ASPRV1: variants seen among roughly 807,000 people sequenced by gnomAD.
The protein encoded by ASPRV1 is aspartic peptidase retroviral like 1.
A neutral mutation model predicts 11.0 loss-of-function variants in ASPRV1; 7 were observed. The ratio of observed to expected loss-of-function variants is 0.64; its 90% CI spans 0.36 to 1.20. The LOEUF is 1.20. Ranked by LOEUF, ASPRV1 falls within the 50% of genes most tolerant of loss-of-function variation. ASPRV1 has a pLI of 0.02. For synonymous variants in ASPRV1, 136 were observed against 138.4 expected, an observed-to-expected ratio of 0.98 and a Z score of 0.12; for missense variants, 299 against 320.0, an observed-to-expected ratio of 0.93 and a Z score of 0.50.
the ASPRV1 span, chr2:70,069,415 T>G: frequency 6.6e-6 from 1 of 152,248 alleles, no homozygotes; most frequent in Non-Finnish European, 1.5e-5. Context: ...GTTTATGATG[T>G]CTGTCTCCAA....
At chr2:70,049,190 C>CG in the ASPRV1 span, 1 of 100,096 alleles carries the variant, frequency 1.0e-5, no homozygotes, top group African/African-American at 3.9e-5. Context: ...CCTCCCCCCT[C>CG]CCCCCTCCCT....
the ASPRV1 span, among the ~76,000 whole-genome samples, chr2:69,934,136 A>G: frequency 6.6e-6 from 1 of 152,232 alleles, no homozygotes; most frequent in South Asian, 2.1e-4. Context: ...CTGACTTTCT[A>G]AGGAGACTGC....
At chr2:69,974,460 G>A in the ASPRV1 span, among the ~76,000 whole-genome samples, 1 of 151,968 alleles carries the variant, frequency 6.6e-6, no homozygotes, top group Admixed American at 6.5e-5. Flanking sequence ...ATAATAGCTG[G>A]GTTTAACCAT....
the ASPRV1 span, among the ~76,000 whole-genome samples, chr2:69,937,685 G>A: frequency 0.013 from 1,940 of 152,284 alleles, 84 homozygotes; most frequent in Admixed American, 0.09. Flanking sequence ...TGTGATCTTG[G>A]CTCACTGCAA....
chr2:69,991,982 C>T, the ASPRV1 span, among the ~76,000 whole-genome samples: 7 of 152,210 alleles, frequency 4.6e-5, no homozygotes, highest in Non-Finnish European at 1.0e-4. Flanking sequence ...GGGCTCTGGC[C>T]AACCTGGATG....
chr2:70,015,666 T>A, the ASPRV1 span: 1 of 152,116 alleles, frequency 6.6e-6, no homozygotes, highest in Non-Finnish European at 1.5e-5. Context: ...AATACAATAA[T>A]AGTAGGGGAC....
the ASPRV1 span, among the ~76,000 whole-genome samples, chr2:70,014,225 G>C: frequency 6.6e-6 from 1 of 152,104 alleles, no homozygotes; most frequent in African/African-American, 2.4e-5. Context: ...GAGTAAAAAA[G>C]GTGATGCACA....
At chr2:70,052,506 G>A in the ASPRV1 span, among the ~76,000 whole-genome samples, 8 of 152,146 alleles carry the variant, frequency 5.3e-5, no homozygotes, top group Non-Finnish European at 8.8e-5. Context: ...GGTCCAGGCT[G>A]AGTGCCAGGC....
the ASPRV1 span, among the ~76,000 whole-genome samples, chr2:69,946,875 AC>A: frequency 6.7e-3 from 1,017 of 152,140 alleles, 10 homozygotes; most frequent in African/African-American, 0.024. Flanking sequence ...CGACCCTAAG[AC>A]CCCGCCAGCC....
chr2:69,953,395 G>A, the ASPRV1 span, among the ~76,000 whole-genome samples: 8 of 152,370 alleles, frequency 5.3e-5, no homozygotes, highest in South Asian at 4.1e-4. Context: ...GGTGCCTGGC[G>A]TCCCTAGAGA....
the ASPRV1 span, among the ~76,000 whole-genome samples, chr2:69,972,983 G>T: frequency 6.6e-6 from 1 of 151,844 alleles, no homozygotes; most frequent in African/African-American, 2.4e-5. Flanking sequence ...CCCTCTTCTG[G>T]GAATCTTTCC....
the ASPRV1 span, among the ~76,000 whole-genome samples, chr2:70,041,059 C>T: frequency 1.3e-5 from 2 of 152,166 alleles, no homozygotes; most frequent in African/African-American, 2.4e-5. Flanking sequence ...GGCTTGTCTA[C>T]GGAGAATGCT....
At chr2:70,003,353 G>A in the ASPRV1 span, 1 of 152,300 alleles carries the variant, frequency 6.6e-6, no homozygotes, top group Non-Finnish European at 1.5e-5. Flanking sequence ...CTGCCTCACA[G>A]AGTGGTTGTT....
the ASPRV1 span, among the ~76,000 whole-genome samples, chr2:70,005,554 G>A: frequency 6.6e-6 from 1 of 152,042 alleles, no homozygotes; most frequent in South Asian, 2.1e-4. Flanking sequence ...CTTCTTGTCA[G>A]CTTATTTTTT....
At chr2:69,978,628 C>A in the ASPRV1 span, among the ~76,000 whole-genome samples, 1 of 152,208 alleles carries the variant, frequency 6.6e-6, no homozygotes, top group Admixed American at 6.5e-5. Context: ...CACAGCAAGG[C>A]ATGACAAGGT....
the ASPRV1 span, among the ~76,000 whole-genome samples, chr2:69,978,102 C>T: frequency 6.6e-6 from 1 of 152,218 alleles, no homozygotes; most frequent in Non-Finnish European, 1.5e-5. Flanking sequence ...TGGCCAGGTG[C>T]CTGTTTCTGG....
the ASPRV1 span, among the ~76,000 whole-genome samples, chr2:70,069,880 G>A: frequency 3.9e-5 from 6 of 152,122 alleles, no homozygotes; most frequent in East Asian, 1.2e-3. Context: ...AAAAAGAAAG[G>A]GAAGCAATAA....
At chr2:69,936,244 C>T in the ASPRV1 span, among the ~76,000 whole-genome samples, 1 of 152,164 alleles carries the variant, frequency 6.6e-6, no homozygotes, top group African/African-American at 2.4e-5. Context: ...GGTCCCATCA[C>T]TGGGTATCTC....
At chr2:69,951,423 CAAAAAAA>C in the ASPRV1 span, among the ~76,000 whole-genome samples, 2 of 63,676 alleles carry the variant, frequency 3.1e-5, no homozygotes, top group African/African-American at 1.0e-4. Flanking sequence ...GACTCCATCT[CAAAAAAA>C]AAAAAAAAAA....
Sources: allele counts gnomAD v4.1 joint callset (sites outside exome capture counted in the v4.1 genomes callset), GRCh38; gene constraint gnomAD v4.1.1; transcripts MANE v1.5; gene names NCBI Gene and HGNC (gene_info 2026-07-23, HGNC 2026-07-21).